Variants in DAB1 observed in about 807,000 individuals in gnomAD.
DAB1 encodes DAB adaptor protein 1, also known as disabled homolog 1.
In DAB1, 15 loss-of-function variants were observed where a neutral mutation model predicts 64.6. The observed-to-expected ratio is 0.23, with a 90% CI of 0.16 to 0.36. DAB1 has a LOEUF of 0.36. DAB1 is among the 10% of genes least tolerant of loss of function. The probability of loss-of-function intolerance (pLI) is 1.00; values close to 1 mark genes in which losing one functional copy is unlikely to be tolerated. For synonymous variants in DAB1, 235 were observed against 251.9 expected (o/e 0.93, Z 0.64); for missense variants, 596 against 706.7 (o/e 0.84, Z 1.78).
chr1:58,307,436 G>A (rs1326498617), intron 4 of DAB1, among the ~76,000 whole-genome samples: 2 of 152,162 alleles, frequency 1.3e-5, no homozygotes, highest in African/African-American at 2.4e-5. Flanking sequence ...GAGAAAACAG[G>A]CATAGAGTTA....
At chr1:57,373,588 T>C (rs1680667518) in intron 1 of DAB1, among the ~76,000 whole-genome samples, 1 of 152,152 alleles carries the variant, frequency 6.6e-6, no homozygotes, top group Non-Finnish European at 1.5e-5. Flanking sequence ...ATCTCATCTC[T>C]ATAAGTTTAT....
intron 6 of DAB1, among the ~76,000 whole-genome samples, chr1:57,710,393 A>T (rs550065458): frequency 1.3e-5 from 2 of 152,306 alleles, no homozygotes; most frequent in African/African-American, 4.8e-5. Flanking sequence ...TTAAAGAAAA[A>T]GTTTTCACCA....
chr1:57,222,022 C>T (rs985712482), intron 2 of DAB1, among the ~76,000 whole-genome samples: 22 of 152,070 alleles, frequency 1.4e-4, no homozygotes, highest in African/African-American at 5.3e-4. Flanking sequence ...TTTCCAAGGG[C>T]CAGGCACTGT....
chr1:57,207,390 T>C (rs371172035), intron 2 of DAB1, among the ~76,000 whole-genome samples: 4 of 151,624 alleles, frequency 2.6e-5, no homozygotes, highest in African/African-American at 9.7e-5. Context: ...AATACTTTCA[T>C]GTTCATTTAT....
At chr1:58,013,542 C>A (rs149856540) in intron 5 of DAB1, among the ~76,000 whole-genome samples, 2 of 152,190 alleles carry the variant, frequency 1.3e-5, no homozygotes, top group African/African-American at 4.8e-5. Context: ...TCCTTCATTA[C>A]GACACGAGTG....
chr1:57,906,836 C>T (rs1269000703), intron 5 of DAB1, among the ~76,000 whole-genome samples: 1 of 151,896 alleles, frequency 6.6e-6, no homozygotes, highest in African/African-American at 2.4e-5. Flanking sequence ...TCTTGGTGCT[C>T]AATAAATATT....
chr1:57,697,799 C>T (rs1271132331), intron 6 of DAB1, among the ~76,000 whole-genome samples: 1 of 152,172 alleles, frequency 6.6e-6, no homozygotes, highest in Non-Finnish European at 1.5e-5. Context: ...CACGGCACTA[C>T]TAGGGAGATT....
intron 2 of DAB1, among the ~76,000 whole-genome samples, chr1:57,169,464 C>T (rs927886297): frequency 9.9e-5 from 15 of 152,160 alleles, no homozygotes; most frequent in African/African-American, 3.6e-4. Flanking sequence ...GTTACATAGC[C>T]AACGGGAATT....
rs1445778580 is a variant in DAB1, at chr1:58,114,935, G to C, written n.387+35576C>G. On this transcript the variant is annotated intron_variant and non_coding_transcript_variant, in intron 5 of 20. Transcript: ENST00000485760. ...AATGTCACTCCAGTGATAGAAGCTA[G>C]AAAGTTAAATTACTCCAAAAGCAAT... Among the ~76,000 whole-genome samples the C allele has an allele frequency of 5.3e-5, 8 of 152,292 alleles. No individual in the cohort carries two copies. The East Asian group carries it at 9.7e-4, about 18-fold the overall frequency.
chr1:58,114,176 T>C lies in DAB1; in HGVS notation n.387+36335A>G, dbSNP rs529232243. ...CAAGAGGCTGAGGCAGGAGAATCAT[T>C]TGAACCTGGGAGGTGGTGGAGGTTG... is the stretch of plus-strand genomic sequence containing the variant. On this transcript the variant is annotated intron_variant and non_coding_transcript_variant, in intron 5 of 20. Transcript: ENST00000485760. Among the ~76,000 whole-genome samples, 10 of 152,050 alleles carry C rather than the reference T, an allele frequency of 6.6e-5. No homozygotes were observed. In the South Asian group the frequency reaches 2.1e-3, roughly 32 times the overall value.
At chr1:57,690,201 C>T in intron 6 of DAB1, among the ~76,000 whole-genome samples, 1 of 152,026 alleles carries the variant, frequency 6.6e-6, no homozygotes, top group East Asian at 1.9e-4. Flanking sequence ...CTATTGTGAA[C>T]AGGGCTGCAA....
At chr1:57,073,889 T>C (rs1159977685) in intron 4 of DAB1, among the ~76,000 whole-genome samples, 5 of 152,196 alleles carry the variant, frequency 3.3e-5, no homozygotes, top group African/African-American at 1.2e-4. Context: ...GGAATTTCTG[T>C]TTTTTGAGAC....
intron 4 of DAB1, among the ~76,000 whole-genome samples, chr1:58,222,394 G>C (rs558867771): frequency 2.5e-4 from 38 of 152,244 alleles, no homozygotes; most frequent in Admixed American, 1.4e-3. Context: ...CACCAAGCCT[G>C]GGGCTTGTTT....
chr1:57,422,009 G>C (rs997697064), intron 1 of DAB1, among the ~76,000 whole-genome samples: 1 of 150,574 alleles, frequency 6.6e-6, no homozygotes, highest in Admixed American at 6.6e-5. Context: ...CACTCATCAC[G>C]GAGATCACAA....
intron 5 of DAB1, among the ~76,000 whole-genome samples, chr1:57,965,505 A>C (rs531087130): frequency 5.3e-5 from 8 of 152,208 alleles, no homozygotes; most frequent in Admixed American, 2.6e-4. Context: ...AAATATGCAA[A>C]AATTCTTAAG....
intron 6 of DAB1, among the ~76,000 whole-genome samples, chr1:57,672,232 A>G (rs557369356): frequency 6.6e-6 from 1 of 152,282 alleles, no homozygotes; most frequent in Admixed American, 6.5e-5. Flanking sequence ...TTAATGTAAA[A>G]TACACAAATG....
intron 5 of DAB1, among the ~76,000 whole-genome samples, chr1:57,965,520 T>G (rs544480060): frequency 6.6e-6 from 1 of 152,204 alleles, no homozygotes; most frequent in South Asian, 2.1e-4. Flanking sequence ...CTTAAGAATT[T>G]TTGGTATGCA....
chr1:57,967,900 TCTTAA>T lies in DAB1; in HGVS notation n.388-83743_388-83739del, dbSNP rs747161929. On this transcript the variant is annotated intron_variant and non_coding_transcript_variant, in intron 5 of 20. Transcript: ENST00000485760. The stretch of plus-strand genomic sequence containing the variant: ...TCAGCTCTGACACTTAGCTGTGGGA[TCTTAA>T]CTTCTCAAAATTTTTGCATTTTCGT... Among the ~76,000 whole-genome samples the T allele has an allele frequency of 3.6e-4, 55 of 152,180 alleles. 1 individual carries two copies. The highest frequency in any genetic ancestry group is 5.6e-4 in the Non-Finnish European group (38 of 68,038).
chr1:57,418,095 A>G (rs1036075427), intron 1 of DAB1, among the ~76,000 whole-genome samples: 21 of 152,278 alleles, frequency 1.4e-4, no homozygotes, highest in African/African-American at 5.1e-4. Flanking sequence ...AAACTGTGCA[A>G]TTGCATCTTG....
Sources: gnomAD v4.1 joint callset for allele counts (sites outside exome capture counted in the v4.1 genomes callset) on GRCh38, gnomAD v4.1.1 for gene constraint, MANE v1.5 for transcripts, NCBI Gene and HGNC (gene_info 2026-07-23, HGNC 2026-07-21) for gene names.